The following HDAC9 variants were observed in gnomAD, a reference collection of about 807,000 sequenced individuals.
HDAC9 encodes histone deacetylase 9.
HDAC9 carries 41 observed loss-of-function variants against 139.4 expected under a neutral mutation model. The observed-to-expected ratio is 0.29, with a 90% CI of 0.23 to 0.38. HDAC9 has a LOEUF of 0.38. Among genes scored for constraint, HDAC9 ranks in the 10% least tolerant of loss-of-function variants. The pLI is 1.00. For synonymous variants in HDAC9, 517 were observed against 476.2 expected (o/e 1.09, Z -1.12); for missense variants, 1,147 against 1,297.0 (o/e 0.88, Z 1.78).
At chr7:18,368,064 T>G (rs1317882294) in intron 1 of HDAC9, among the ~76,000 whole-genome samples, 1 of 152,164 alleles carries the variant, frequency 6.6e-6, no homozygotes, top group Non-Finnish European at 1.5e-5. Context: ...AATTTGATAC[T>G]AATCCCGTGT....
At chr7:18,861,382 G>T (rs766561324) in intron 21 of HDAC9, among the ~76,000 whole-genome samples, 7 of 152,038 alleles carry the variant, frequency 4.6e-5, no homozygotes, top group Non-Finnish European at 8.8e-5. Context: ...TGTTGTCATT[G>T]TTTTATATAT....
rs901894503 is a variant in HDAC9, at chr7:18,997,356, A to T, written c.*1294A>T. The T allele has an allele frequency of 6.6e-6, 1 of 151,974 alleles. No homozygotes were observed. The highest frequency in any genetic ancestry group is 2.4e-5 in the African/African-American group (1 of 41,414). 9.4% of individuals were successfully genotyped at this position (151,974 alleles called of 1,614,324 possible). A position where few individuals can be genotyped will look rare whatever the true frequency, so the allele number is the denominator to read the frequency against. On this transcript the variant is annotated 3_prime_UTR_variant, in exon 26 of 26. Transcript: ENST00000686413. Reference sequence around the variant, plus strand: ...CTTTAAACAAGTTTCCTTAGTGTCAAAAGTTAAAAATAAAGGACATTTATT... The same window carrying T: ...CTTTAAACAAGTTTCCTTAGTGTCATAAGTTAAAAATAAAGGACATTTATT...
intron 1 of HDAC9, among the ~76,000 whole-genome samples, chr7:18,095,831 GC>G (rs1782468675): frequency 6.6e-6 from 1 of 152,054 alleles, no homozygotes; most frequent in African/African-American, 2.4e-5. Flanking sequence ...AAATTACATT[GC>G]CAGTATCCAG....
intron 7 of HDAC9, 73 bp from the exon 8 acceptor site, chr7:18,634,554 A>G: frequency 1.1e-6 from 1 of 879,480 alleles, no homozygotes; most frequent in Non-Finnish European, 1.8e-6. Flanking sequence ...GCCCAATGTT[A>G]CATGTTACAG....
At chr7:18,159,303 C>G (rs948577061) in intron 1 of HDAC9, among the ~76,000 whole-genome samples, 3 of 151,892 alleles carry the variant, frequency 2.0e-5, no homozygotes, top group African/African-American at 7.3e-5. Context: ...GGCGAGTTTC[C>G]TATTATTTCT....
upstream of HDAC9, among the ~76,000 whole-genome samples, chr7:18,287,388 GA>G (rs1400150320): frequency 3.3e-5 from 5 of 152,152 alleles, no homozygotes; most frequent in East Asian, 9.6e-4. Context: ...TTGTTACACT[GA>G]ATACCATACT....
chr7:18,560,429 C>T (rs1820224102), intron 2 of HDAC9, among the ~76,000 whole-genome samples: 1 of 152,132 alleles, frequency 6.6e-6, no homozygotes, highest in Non-Finnish European at 1.5e-5. Flanking sequence ...GCTTACTCCC[C>T]ACCCTCAACA....
intron 1 of HDAC9, among the ~76,000 whole-genome samples, chr7:18,374,739 C>G (rs900419806): frequency 5.3e-5 from 8 of 151,744 alleles, no homozygotes; most frequent in Middle Eastern, 3.2e-3. Flanking sequence ...TATATAAAGT[C>G]TATATATTTA....
intron 1 of HDAC9, among the ~76,000 whole-genome samples, chr7:18,338,324 T>A (rs1484802341): frequency 1.3e-5 from 2 of 151,760 alleles, no homozygotes; most frequent in African/African-American, 2.4e-5. Flanking sequence ...GATGTTGCAG[T>A]GATAATGACA....
At chr7:18,529,658 A>T (rs1310399732) in intron 2 of HDAC9, among the ~76,000 whole-genome samples, 1 of 152,204 alleles carries the variant, frequency 6.6e-6, no homozygotes, top group Non-Finnish European at 1.5e-5. Flanking sequence ...AGTTTATTTC[A>T]TCCATAGACT....
intron 12 of HDAC9, among the ~76,000 whole-genome samples, chr7:18,683,541 A>G (rs747926520): frequency 6.6e-6 from 1 of 152,112 alleles, no homozygotes; most frequent in Non-Finnish European, 1.5e-5. Context: ...ACTTCCCTAC[A>G]CTACAGTTTC....
intron 8 of HDAC9, among the ~76,000 whole-genome samples, chr7:18,640,200 C>T (rs997247830): frequency 4.7e-5 from 7 of 149,470 alleles, no homozygotes; most frequent in Admixed American, 4.0e-4. Flanking sequence ...GAGTTTAAGA[C>T]GAGCCTGGGC....
rs1165702969 is a variant in HDAC9 at position 18,177,344 on chromosome 7, C to G, written c.25+14995C>G. ...TTGTCTATGGTGCGATTAATCTCTT[C>G]TCAGCCTAACTCTGATATAGTCACT... On this transcript the variant is annotated intron_variant, in intron 2 of 12. Transcript: ENST00000417496. 6.6e-5 allele frequency among the ~76,000 whole-genome samples: 10 copies of G among 152,218 alleles called. 1 individual carries two copies. Among genetic ancestry groups the G allele is most frequent in the Admixed American group, 6.5e-4 (10 of 15,288 alleles).
chr7:18,879,703 A>G (rs565942407), intron 22 of HDAC9, among the ~76,000 whole-genome samples: 9 of 152,284 alleles, frequency 5.9e-5, no homozygotes, highest in East Asian at 1.9e-4. Flanking sequence ...CAAAACTATA[A>G]AAACCCTAGA....
intron 2 of HDAC9, among the ~76,000 whole-genome samples, chr7:18,523,274 G>T (rs1448941791): frequency 6.6e-6 from 1 of 152,172 alleles, no homozygotes; most frequent in Non-Finnish European, 1.5e-5. Context: ...TTTAGCTGCT[G>T]TATAAAGGAT....
intron 1 of HDAC9, among the ~76,000 whole-genome samples, chr7:18,124,792 C>A (rs1006131033): frequency 6.6e-6 from 1 of 152,160 alleles, no homozygotes; most frequent in African/African-American, 2.4e-5. Context: ...CCATATTGCC[C>A]ATTCTAGAGC....
At chr7:18,796,588 A>G (rs1392298616) in intron 17 of HDAC9, among the ~76,000 whole-genome samples, 1 of 152,344 alleles carries the variant, frequency 6.6e-6, no homozygotes, top group East Asian at 1.9e-4. Flanking sequence ...AAAAATACAT[A>G]AGAAGGAATT....
chr7:18,332,791 CTG>C (rs757332529), intron 1 of HDAC9, among the ~76,000 whole-genome samples: 41 of 151,534 alleles, frequency 2.7e-4, no homozygotes, highest in Non-Finnish European at 5.0e-4. Context: ...GTTCAGTAGA[CTG>C]TGAGCTAATA....
chr7:18,456,206 C>T (rs1793329472), intron 1 of HDAC9, among the ~76,000 whole-genome samples: 1 of 152,050 alleles, frequency 6.6e-6, no homozygotes, highest in Admixed American at 6.6e-5. Context: ...CATTATTTGT[C>T]CAACTTTACT....
Sources: allele counts gnomAD v4.1 joint callset (sites outside exome capture counted in the v4.1 genomes callset), GRCh38; gene constraint gnomAD v4.1.1; transcripts MANE v1.5; gene names NCBI Gene and HGNC (gene_info 2026-07-23, HGNC 2026-07-21).